The following ATG16L2 variants were observed in gnomAD, a reference collection of about 807,000 sequenced individuals.
ATG16L2 encodes autophagy related 16 like 2.
ATG16L2 carries 77 observed loss-of-function variants against 84.7 expected under a neutral mutation model. The observed-to-expected ratio is 0.91, with a 90% CI of 0.76 to 1.10. The LOEUF (loss-of-function observed/expected upper bound fraction) is 1.10, where lower values mean the gene tolerates loss of function less well. ATG16L2 is among the 50% of genes least tolerant of loss of function. ATG16L2 has a pLI of 0.00. For synonymous variants in ATG16L2, 361 were observed against 342.8 expected (o/e 1.05, Z -0.59); for missense variants, 782 against 817.6 (o/e 0.96, Z 0.53).
chr11:72,836,637 G>A (rs2135138567), intron 5 of ATG16L2: 1 of 152,654 alleles, frequency 6.6e-6, no homozygotes, highest in South Asian at 2.1e-4. Flanking sequence ...TCCTCTCTCT[G>A]TCTGTTAGCT....
rs1565281208 is a variant in ATG16L2 at position 72,841,392 on chromosome 11, GGCGAATAT to G, written c.*22-1223_*22-1216del. The stretch of plus-strand genomic sequence containing the variant: ...AAATGCAGTTTTTTTTTGCCCTTCA[GGCGAATAT>G]GTAGGTTTCTGAAGTGAAAATGCAT... On this transcript the variant is annotated intron_variant, in intron 5 of 5. Coordinates refer to the ATG16L2 transcript ENST00000534905. 3 of 1,489,128 alleles carry G rather than the reference GGCGAATAT, an allele frequency of 2.0e-6. No homozygotes were observed. In the African/African-American group the frequency reaches 4.3e-5, roughly 21 times the overall value. The allele number at this position is 1,489,128 out of a possible 1,614,324, so 92.2% of individuals were successfully genotyped here.
chr11:72,842,259 A>C (rs757491196), intron 5 of ATG16L2, among the ~76,000 whole-genome samples: 32 of 152,236 alleles, frequency 2.1e-4, no homozygotes, highest in African/African-American at 2.4e-4. Flanking sequence ...AGGGAGAGAG[A>C]GAGCCAGCTA....
At position 72,822,755 on chromosome 11, in the gene ATG16L2, A is replaced by T; in HGVS notation, c.711-93A>T. On this transcript the variant is annotated intron_variant, in intron 6 of 17. Coordinates refer to ENST00000321297, the MANE Select transcript of ATG16L2 (RefSeq NM_033388.2). The surrounding 1 kb of genome is among the most constrained non-coding windows in gnomAD (Gnocchi z 4.2). ...TGTACACCCACACAGAACCCTCATC[A>T]CTGGGAATTCCTGTCTTCAGCGTAT... is the stretch of plus-strand genomic sequence containing the variant. 1 of 1,107,516 alleles carries T rather than the reference A, an allele frequency of 9.0e-7. No individual in the cohort carries two copies. The allele number at this position is 1,107,516 out of a possible 1,614,324, so 68.6% of individuals were successfully genotyped here. A position where few individuals can be genotyped will look rare whatever the true frequency, so the allele number is the denominator to read the frequency against.
chr11:72,828,468 G>T lies in ATG16L2; in HGVS notation c.1582G>T (p.Val528Phe). The change falls in exon 15 of 18, where the codon GTC (valine) becomes TTC (phenylalanine). Residue 528 changes from valine (V) to phenylalanine (F), a missense_variant. Coordinates refer to ENST00000321297, the MANE Select transcript of ATG16L2 (RefSeq NM_033388.2). ...LSCSRDNTLK[V>F]IDLRVSNIRQ... is the part of the protein sequence containing the mutation. ...CTGTTCCCGAGACAACACACTCAAG[G>T]TCATCGACCTGCGTGTCAGCAACAT... is the stretch of plus-strand genomic sequence containing the variant. 6.2e-7 allele frequency: 1 copy of T among 1,614,180 alleles called. No individual in the cohort carries two copies. Among genetic ancestry groups the T allele is most frequent in the Non-Finnish European group, 8.5e-7 (1 of 1,180,042 alleles).
At position 72,826,251 on chromosome 11, in the gene ATG16L2, A is replaced by G. The variant is rs757251971; in HGVS notation, c.1173+8A>G. The stretch of plus-strand genomic sequence containing the variant: ...GTGGACTTTGACCCCTCGGTGAGGA[A>G]CTCTGCCCCAGTGGCATGGGATTGT... On this transcript the variant is annotated splice_region_variant and intron_variant, in intron 11 of 17. Transcript: ENST00000321297. 1.9e-6 allele frequency: 3 copies of G among 1,613,176 alleles called. No individual in the cohort carries two copies. In the Admixed American group the frequency reaches 5.0e-5, roughly 27 times the overall value.
At chr11:72,831,475 A>G (rs979488278), downstream of ATG16L2, among the ~76,000 whole-genome samples, 1 of 152,220 alleles carries the variant, frequency 6.6e-6, no homozygotes, top group African/African-American at 2.4e-5. Flanking sequence ...ATTGCACTCT[A>G]GCCTGGGCAA....
chr11:72,841,340 C>A (rs1408541454), intron 5 of ATG16L2: 15 of 373,874 alleles, frequency 4.0e-5, no homozygotes, highest in African/African-American at 2.4e-4. Context: ...ACTCTGTCTC[C>A]AAAAAAAAAA....
At position 72,816,748 on chromosome 11, in the gene ATG16L2, G is replaced by A; in HGVS notation, c.139G>A (p.Ala47Thr). ...VPAYNHLLEK[A>T]ELLDKFSKKL... ...TCCAGATAACCATCTCTTAGAGAAG[G>A]CTGAGCTGCTGGACAAGTTCTCAAA... The change falls in exon 2 of 18, where the codon GCT (alanine) becomes ACT (threonine). Residue 47 changes from alanine to threonine, a missense_variant. Ala to Thr is a moderately conservative substitution (Grantham distance 58). Transcript: ENST00000321297. The A allele has an allele frequency of 6.2e-7, 1 of 1,614,164 alleles. No individual in the cohort carries two copies. Among genetic ancestry groups the A allele is most frequent in the Non-Finnish European group, 8.5e-7 (1 of 1,179,988 alleles).
intron 3 of ATG16L2, chr11:72,818,772 A>G (rs977231998): frequency 3.3e-5 from 5 of 152,160 alleles, no homozygotes; most frequent in African/African-American, 1.2e-4. Context: ...TATCCAAAGT[A>G]CGGGGAGTGC....
intron 3 of ATG16L2, among the ~76,000 whole-genome samples, chr11:72,819,179 A>C (rs1056232267): frequency 6.6e-6 from 1 of 152,124 alleles, no homozygotes; most frequent in African/African-American, 2.4e-5. Flanking sequence ...ACTGCCCCCC[A>C]GTCGTTCTCA....
At chr11:72,837,903 G>A (rs1002009936) in intron 5 of ATG16L2, 2 of 152,226 alleles carry the variant, frequency 1.3e-5, no homozygotes, top group Admixed American at 1.3e-4. Context: ...CAACAATGCA[G>A]GTATGTGTCC....
At position 72,822,938 on chromosome 11, in the gene ATG16L2, T is replaced by C; in HGVS notation, c.801T>C (p.Cys267=). The change falls in exon 7 of 18, where the codon TGT becomes TGC. Residue 267 remains cysteine (C), a synonymous_variant. Coordinates refer to ENST00000321297, the MANE Select transcript of ATG16L2 (RefSeq NM_033388.2). This position sits in a 1 kb window ranked among gnomAD's most constrained non-coding sequence, Gnocchi z 4.2. ...CAGAGCCCCTGGAGAAGGAAGCTTG[T>C]GAGAAGTGGAAGAGGCCCTTCAGGT... ...PEPEPLEKEA[C]EKWKRPFRSA... 2 of 1,573,216 alleles carry C rather than the reference T, an allele frequency of 1.3e-6. No individual in the cohort carries two copies. Among genetic ancestry groups the C allele is most frequent in the Non-Finnish European group, 1.7e-6 (2 of 1,158,598 alleles).
At chr11:72,824,205 C>T in intron 8 of ATG16L2, 83 bp downstream of exon 8, 1 of 1,515,592 alleles carries the variant, frequency 6.6e-7, no homozygotes, top group Non-Finnish European at 9.1e-7. Flanking sequence ...GTGCCTCGAC[C>T]TGTCCATCCC....
exon 6 of ATG16L2, chr11:72,843,550 C>T (rs780715891): frequency 1.9e-6 from 3 of 1,595,368 alleles, no homozygotes; most frequent in Non-Finnish European, 2.6e-6. Context: ...GTAGGATGGT[C>T]ATGGACAAAA....
chr11:72,823,097 C>G (rs907055371), intron 7 of ATG16L2, 136 bp downstream of exon 7: 3 of 631,482 alleles, frequency 4.8e-6, no homozygotes, highest in Non-Finnish European at 8.2e-6. Flanking sequence ...GCTCAGATCT[C>G]CCAGGGCTAG....
intron 9 of ATG16L2, 21 bp downstream of exon 9, chr11:72,824,863 C>T (rs745556164): frequency 1.9e-6 from 3 of 1,560,232 alleles, no homozygotes; most frequent in East Asian, 4.5e-5. Context: ...AGCTGAGCCA[C>T]ATGGGTGGGG....
rs1860506199 is a variant in ATG16L2 at position 72,828,722 on chromosome 11, T to C, written c.1623-7T>C. 1 of 1,614,030 alleles carries C rather than the reference T, an allele frequency of 6.2e-7. No individual in the cohort carries two copies. ...TCTGTTCTGACCCCAGCCCTGTCTGTCCTCAGGGCCGATGGCTTCAAGTGT... is the reference window on the plus strand; with the variant it reads ...TCTGTTCTGACCCCAGCCCTGTCTGCCCTCAGGGCCGATGGCTTCAAGTGT... On this transcript the variant is annotated splice_polypyrimidine_tract_variant and splice_region_variant and intron_variant, in intron 15 of 17. Transcript: ENST00000321297.
Position 72,843,114 on chromosome 11 carries a change from C to T in ATG16L2, c.*519C>T, listed in dbSNP as rs200684861. The T allele has an allele frequency of 3.9e-4, 628 of 1,602,020 alleles. 4 individuals are homozygous for T. Among genetic ancestry groups the T allele is most frequent in the Middle Eastern group, 1.7e-3 (10 of 6,032 alleles). On this transcript the variant is annotated 3_prime_UTR_variant, in exon 6 of 6. Coordinates refer to the ATG16L2 transcript ENST00000534905. Reference sequence around the variant, plus strand: ...CCAGGGCAATACAGTTTAGGTCAAACGTGACCAAATAAAGAGTGCCTTGTT... The same window carrying T: ...CCAGGGCAATACAGTTTAGGTCAAATGTGACCAAATAAAGAGTGCCTTGTT...
chr11:72,842,192 T>TG (rs1860977490), intron 5 of ATG16L2, among the ~76,000 whole-genome samples: 1 of 152,186 alleles, frequency 6.6e-6, no homozygotes, highest in Non-Finnish European at 1.5e-5. Flanking sequence ...GGCAGGCTCA[T>TG]TAATTCTCTG....
Sources: allele counts gnomAD v4.1 joint callset (sites outside exome capture counted in the v4.1 genomes callset), GRCh38; gene constraint gnomAD v4.1.1; non-coding constraint Gnocchi (gnomAD v3.1); transcripts MANE v1.5; gene names NCBI Gene and HGNC (gene_info 2026-07-23, HGNC 2026-07-21).